DKK2: variants seen among roughly 807,000 people sequenced by gnomAD.
DKK2 encodes the protein dickkopf-related protein 2.
In DKK2, 11 loss-of-function variants were observed where a neutral mutation model predicts 28.1. The observed-to-expected ratio is 0.39, with a 90% CI of 0.25 to 0.65. The LOEUF is 0.65. Ranked by LOEUF, DKK2 falls within the 30% of genes least tolerant of loss-of-function variation. The pLI is 0.47. For synonymous variants in DKK2, 135 were observed against 126.5 expected, an observed-to-expected ratio of 1.07 and a Z score of -0.45; for missense variants, 326 against 335.5, an observed-to-expected ratio of 0.97 and a Z score of 0.22.
intron 1 of DKK2, among the ~76,000 whole-genome samples, chr4:107,001,875 T>C (rs1014517710): frequency 1.3e-5 from 2 of 152,234 alleles, no homozygotes; most frequent in African/African-American, 4.8e-5. Context: ...AATAAACATG[T>C]TGAATTCACA....
chr4:106,961,722 G>C (rs1722688060), intron 1 of DKK2, among the ~76,000 whole-genome samples: 1 of 152,066 alleles, frequency 6.6e-6, no homozygotes, highest in East Asian at 1.9e-4. Flanking sequence ...CAGGCCAGCA[G>C]TCAATTATAC....
At chr4:107,013,267 A>G (rs189083271) in intron 1 of DKK2, among the ~76,000 whole-genome samples, 246 of 151,524 alleles carry the variant, frequency 1.6e-3, no homozygotes, top group African/African-American at 5.6e-3. Context: ...TAGGCATCAT[A>G]CTATTAATAC....
intron 1 of DKK2, among the ~76,000 whole-genome samples, chr4:106,988,833 CT>C (rs1723163409): frequency 6.6e-6 from 1 of 152,182 alleles, no homozygotes; most frequent in East Asian, 1.9e-4. Flanking sequence ...CCTTTTGTGA[CT>C]TGTGTACAGT....
At chr4:107,027,786 C>T (rs1054162561) in intron 1 of DKK2, among the ~76,000 whole-genome samples, 19 of 133,290 alleles carry the variant, frequency 1.4e-4, no homozygotes, top group Non-Finnish European at 2.8e-4. Flanking sequence ...GAGTCTCGCT[C>T]TGTCGCCCAG....
chr4:106,978,703 G>A (rs565375820), intron 1 of DKK2, among the ~76,000 whole-genome samples: 62 of 152,270 alleles, frequency 4.1e-4, no homozygotes, highest in African/African-American at 1.4e-3. Context: ...CGCTGAGCTA[G>A]ACCATTTGGC....
At chr4:107,001,467 T>G (rs764498873) in intron 1 of DKK2, among the ~76,000 whole-genome samples, 15 of 152,214 alleles carry the variant, frequency 9.9e-5, no homozygotes, top group Non-Finnish European at 1.8e-4. Context: ...AATTTAACTC[T>G]CATATGATGA....
chr4:106,972,686 G>T (rs767582857), intron 1 of DKK2, among the ~76,000 whole-genome samples: 8 of 151,992 alleles, frequency 5.3e-5, no homozygotes, highest in Non-Finnish European at 1.0e-4. Context: ...CTAGCTTTAG[G>T]CCATGAGTAC....
At chr4:106,958,610 T>C (rs1722637085) in intron 1 of DKK2, among the ~76,000 whole-genome samples, 1 of 151,712 alleles carries the variant, frequency 6.6e-6, no homozygotes, top group East Asian at 1.9e-4. Flanking sequence ...CCGTGATGGG[T>C]GGATCACCTG....
At chr4:106,957,501 C>A (rs1692483548) in intron 1 of DKK2, among the ~76,000 whole-genome samples, 2 of 151,918 alleles carry the variant, frequency 1.3e-5, no homozygotes, top group Admixed American at 1.3e-4. Flanking sequence ...TTGGAACCAA[C>A]CCAAATGTCC....
rs183722989 is a variant in DKK2, at chr4:106,964,217, C to A, written c.223-38268G>T. Among the ~76,000 whole-genome samples the A allele has an allele frequency of 1.1e-3, 168 of 152,110 alleles. 1 individual carries two copies. Among genetic ancestry groups the A allele is most frequent in the Non-Finnish European group, 2.1e-3 (146 of 67,982 alleles). On this transcript the variant is annotated intron_variant, in intron 1 of 3. Coordinates refer to ENST00000285311, the MANE Select transcript of DKK2 (RefSeq NM_014421.3). ...TGCTATTGAAAACAACATGGATGGA[C>A]CTGGAGGGCACTCTATTAAGTGAAA...
intron 1 of DKK2, among the ~76,000 whole-genome samples, chr4:107,028,281 T>C (rs1723822998): frequency 1.3e-5 from 2 of 152,342 alleles, no homozygotes; most frequent in South Asian, 4.1e-4. Context: ...AGTTCATTTG[T>C]TTCCTTCTTG....
intron 1 of DKK2, among the ~76,000 whole-genome samples, chr4:106,947,641 A>T (rs572451904): frequency 1.4e-4 from 21 of 151,882 alleles, no homozygotes; most frequent in Middle Eastern, 3.4e-3. Context: ...GGTAGGCTTT[A>T]AAAAAATTGA....
chr4:106,956,633 G>C (rs922718249), intron 1 of DKK2, among the ~76,000 whole-genome samples: 9 of 152,168 alleles, frequency 5.9e-5, no homozygotes, highest in African/African-American at 1.9e-4. Context: ...ACAAACCTGA[G>C]AAAAACAAGC....
At chr4:106,980,275 A>C (rs1001978997) in intron 1 of DKK2, among the ~76,000 whole-genome samples, 2 of 152,064 alleles carry the variant, frequency 1.3e-5, no homozygotes, top group Non-Finnish European at 2.9e-5. Context: ...ATATACTTAC[A>C]TATATTAATT....
intron 1 of DKK2, among the ~76,000 whole-genome samples, chr4:106,976,563 T>TGC (rs1722948878): frequency 1.3e-5 from 2 of 152,076 alleles, no homozygotes. Flanking sequence ...GATTGCAACC[T>TGC]CTGCTTTTTT....
chr4:107,011,852 G>A (rs1192807787), intron 1 of DKK2, among the ~76,000 whole-genome samples: 1 of 151,332 alleles, frequency 6.6e-6, no homozygotes, highest in Non-Finnish European at 1.5e-5. Context: ...AATACAGTGA[G>A]AAAAAGCAAA....
chr4:107,021,224 G>A (rs1723686914), intron 1 of DKK2, among the ~76,000 whole-genome samples: 1 of 151,750 alleles, frequency 6.6e-6, no homozygotes, highest in Non-Finnish European at 1.5e-5. Context: ...CCTTCTATGG[G>A]GTACTTTGTT....
intron 1 of DKK2, among the ~76,000 whole-genome samples, chr4:106,979,840 GTGTT>G (rs1723000151): frequency 6.6e-6 from 1 of 152,160 alleles, no homozygotes; most frequent in Non-Finnish European, 1.5e-5. Flanking sequence ...CAGTATCCAG[GTGTT>G]TGTTTGTTTG....
At chr4:106,936,145 G>A (rs1212564383) in intron 1 of DKK2, among the ~76,000 whole-genome samples, 1 of 152,148 alleles carries the variant, frequency 6.6e-6, no homozygotes, top group Non-Finnish European at 1.5e-5. Context: ...AGAGAAGAAG[G>A]CTTCAGACGA....
Sources: allele counts gnomAD v4.1 joint callset (sites outside exome capture counted in the v4.1 genomes callset), GRCh38; gene constraint gnomAD v4.1.1; transcripts MANE v1.5; gene names NCBI Gene and HGNC (gene_info 2026-07-23, HGNC 2026-07-21).